SEC14L1: variants seen among roughly 807,000 people sequenced by gnomAD.
SEC14L1 encodes the protein SEC14-like protein 1.
A neutral mutation model predicts 85.3 loss-of-function variants in SEC14L1; 48 were observed. The ratio of observed to expected loss-of-function variants is 0.56; its 90% CI spans 0.45 to 0.72. SEC14L1 has a LOEUF of 0.72. Among genes scored for constraint, SEC14L1 ranks in the 30% least tolerant of loss-of-function variants. The pLI is 0.00. For synonymous variants in SEC14L1, 391 were observed against 355.5 expected, an observed-to-expected ratio of 1.10 and a Z score of -1.12; for missense variants, 682 against 921.4, an observed-to-expected ratio of 0.74 and a Z score of 3.36.
chr17:77,210,352 G>T (rs1976684584), intron 14 of SEC14L1: 1 of 152,580 alleles, frequency 6.6e-6, no homozygotes, highest in South Asian at 2.1e-4. Flanking sequence ...GGAGGGGCCT[G>T]CAGCGGAATC....
intron 11 of SEC14L1, 70 bp downstream of exon 11, chr17:77,205,416 T>A: frequency 7.2e-7 from 1 of 1,384,800 alleles, no homozygotes; most frequent in Non-Finnish European, 1.0e-6. Context: ...AGTTGATTTT[T>A]GGAATTAAAA....
rs778515231 is a variant in SEC14L1 at position 77,194,751 on chromosome 17, G to A, written c.549G>A (p.Pro183=). 1.6e-5 allele frequency: 26 copies of A among 1,614,162 alleles called. No homozygotes were observed. Among genetic ancestry groups the A allele is most frequent in the African/African-American group, 6.7e-5 (5 of 75,030 alleles). Residue 183 remains proline (P), a synonymous_variant, in exon 7 of 17, where the codon CCG becomes CCA. Transcript: ENST00000436233. The part of the protein sequence containing the change: ...EGITFVPRWS[P]PSITTSSETS... ...TAACCTTTGTGCCCCGTTGGAGTCC[G>A]CCTTCCATCACGACCTCTTCAGAGA...
At chr17:77,114,593 G>C (rs1029706685) in intron 3 of SEC14L1, among the ~76,000 whole-genome samples, 3 of 151,516 alleles carry the variant, frequency 2.0e-5, no homozygotes, top group Non-Finnish European at 4.4e-5. Flanking sequence ...CCAGCACTTT[G>C]GGAGGCCAAG....
intron 3 of SEC14L1, among the ~76,000 whole-genome samples, chr17:77,110,102 C>A (rs1042402191): frequency 6.6e-6 from 1 of 152,154 alleles, no homozygotes; most frequent in Admixed American, 6.5e-5. Context: ...GTTGTTTACC[C>A]GGTTTTCATT....
At chr17:77,159,590 A>G (rs557986277) in intron 3 of SEC14L1, among the ~76,000 whole-genome samples, 1 of 150,272 alleles carries the variant, frequency 6.7e-6, no homozygotes, top group Non-Finnish European at 1.5e-5. Context: ...CATATTGGCC[A>G]CACTGGTCTC....
chr17:77,168,466 A>G (rs545780365), intron 3 of SEC14L1, among the ~76,000 whole-genome samples: 1 of 152,310 alleles, frequency 6.6e-6, no homozygotes, highest in African/African-American at 2.4e-5. Context: ...GCAGCATCCT[A>G]CATATGAGTA....
chr17:77,209,612 C>T (rs541042594), intron 14 of SEC14L1, 136 bp downstream of exon 14: 20 of 870,080 alleles, frequency 2.3e-5, no homozygotes, highest in Non-Finnish European at 3.0e-5. Flanking sequence ...CTTTTGTTGA[C>T]ACTCGATATT....
rs751335395 is a variant in SEC14L1, at chr17:77,097,424, C to T, written c.-136+4077C>T. On this transcript the variant is annotated intron_variant, in intron 3 of 19. Transcript: ENST00000392476. ...ATTAAAAGTACAAAAATTAGCCGGG[C>T]GTAGTGGCGCACGCCTGTAATCCCA... Among the ~76,000 whole-genome samples, 10 of 152,224 alleles carry T rather than the reference C, an allele frequency of 6.6e-5. No homozygotes were observed. In the Middle Eastern group the frequency reaches 0.01, roughly 155 times the overall value.
At position 77,203,658 on chromosome 17, in the gene SEC14L1, C is replaced by T. The variant is rs1471594951; in HGVS notation, c.1098C>T (p.Tyr366=). 10 of 1,610,740 alleles carry T rather than the reference C, an allele frequency of 6.2e-6. No individual in the cohort carries two copies. The highest frequency in any genetic ancestry group is 1.7e-5 in the Admixed American group (1 of 59,708). Residue 366 remains tyrosine, a splice_region_variant and synonymous_variant, in exon 10 of 17, where the codon TAC becomes TAT. Transcript: ENST00000436233. ...TCGGGGAGGAAGCCCTGCTGAGATA[C>T]GTAAGTGCGCGGCTGCGAGACTCCA... The part of the protein sequence containing the change: ...RALGEEALLR[Y]VLSINEEGLR...
chr17:77,140,738 G>C (rs903634472), upstream of SEC14L1: 2 of 150,738 alleles, frequency 1.3e-5, no homozygotes, highest in Non-Finnish European at 3.0e-5. Context: ...CCAGCAGTGC[G>C]ACGGGGCCGG....
At chr17:77,108,821 C>G (rs1161465723) in intron 3 of SEC14L1, among the ~76,000 whole-genome samples, 4 of 144,924 alleles carry the variant, frequency 2.8e-5, no homozygotes, top group Admixed American at 6.9e-5. Flanking sequence ...TATATGTCAT[C>G]TGTTTCTTTT....
intron 3 of SEC14L1, among the ~76,000 whole-genome samples, chr17:77,117,214 A>G (rs1214130556): frequency 6.6e-6 from 1 of 152,178 alleles, no homozygotes; most frequent in African/African-American, 2.4e-5. Context: ...GGGCATGGTG[A>G]CACATGCCTA....
intron 3 of SEC14L1, among the ~76,000 whole-genome samples, chr17:77,149,242 T>C (rs1973449504): frequency 6.6e-6 from 1 of 152,246 alleles, no homozygotes; most frequent in African/African-American, 2.4e-5. Flanking sequence ...TACTATTTTG[T>C]GTGTCCTTCC....
chr17:77,184,751 C>T (rs531914755), intron 3 of SEC14L1, among the ~76,000 whole-genome samples: 64 of 152,334 alleles, frequency 4.2e-4, no homozygotes, highest in African/African-American at 1.5e-3. Context: ...TCATCATGAA[C>T]TGAGATGTCA....
At chr17:77,207,061 C>T (rs974626118) in intron 13 of SEC14L1, among the ~76,000 whole-genome samples, 199 bp downstream of exon 13, 9 of 152,310 alleles carry the variant, frequency 5.9e-5, no homozygotes, top group Non-Finnish European at 1.0e-4. Context: ...CTGTACATTT[C>T]TTCATTGTTA....
chr17:77,117,082 T>C (rs552491741), intron 3 of SEC14L1, among the ~76,000 whole-genome samples: 1 of 152,378 alleles, frequency 6.6e-6, no homozygotes, highest in Non-Finnish European at 1.5e-5. Flanking sequence ...GCGCAGTGGC[T>C]CATGCCTGTA....
In SEC14L1 at chr17:77,101,037, A is replaced by C. The variant is rs562830383; in HGVS notation, c.-136+7690A>C. On this transcript the variant is annotated intron_variant, in intron 3 of 19. Coordinates refer to the SEC14L1 transcript ENST00000392476. ...TCACAGGCTGATGGTTCTGACAGGCAGCTGGTTGGGTAACTGGTTTCCCAG... is the reference window on the plus strand; with the variant it reads ...TCACAGGCTGATGGTTCTGACAGGCCGCTGGTTGGGTAACTGGTTTCCCAG... Among the ~76,000 whole-genome samples, 140 of 152,332 alleles carry C rather than the reference A, an allele frequency of 9.2e-4. 1 individual carries two copies. The highest frequency in any genetic ancestry group is 6.8e-3 in the Middle Eastern group (2 of 294).
chr17:77,147,006 A>T (rs1162070900), intron 3 of SEC14L1, among the ~76,000 whole-genome samples: 1 of 152,222 alleles, frequency 6.6e-6, no homozygotes, highest in African/African-American at 2.4e-5. Flanking sequence ...TATGCAGTTA[A>T]GGTGAGAACG....
chr17:77,140,705 G>A (rs1319177176), upstream of SEC14L1: 3 of 151,822 alleles, frequency 2.0e-5, no homozygotes, highest in Non-Finnish European at 4.4e-5. Flanking sequence ...AACTGGGAGG[G>A]GCCACGAGGA....
Sources: gnomAD v4.1 joint callset for allele counts (sites outside exome capture counted in the v4.1 genomes callset) on GRCh38, gnomAD v4.1.1 for gene constraint, MANE v1.5 for transcripts, NCBI Gene and HGNC (gene_info 2026-07-23, HGNC 2026-07-21) for gene names.